Variants in PGLYRP3 observed in about 807,000 individuals in gnomAD.
The protein encoded by PGLYRP3 is peptidoglycan recognition protein 3.
PGLYRP3 carries 39 observed loss-of-function variants against 36.0 expected under a neutral mutation model. The observed-to-expected ratio is 1.08, with a 90% CI of 0.84 to 1.41. The LOEUF is 1.41. PGLYRP3 is among the 40% of genes most tolerant of loss of function. PGLYRP3 has a pLI of 0.00. For synonymous variants in PGLYRP3, 204 were observed against 172.8 expected (o/e 1.18, Z -1.42); for missense variants, 407 against 427.9 (o/e 0.95, Z 0.43).
At chr1:153,310,235 T>TA (rs1659861728) in intron 2 of PGLYRP3, among the ~76,000 whole-genome samples, 1 of 152,216 alleles carries the variant, frequency 6.6e-6, no homozygotes, top group African/African-American at 2.4e-5. Context: ...CTATGACTGG[T>TA]ATAATAACGA....
Position 153,297,161 on chromosome 1 carries a change from G to A in PGLYRP3, c.*795C>T, listed in dbSNP as rs901869527. 2.0e-5 allele frequency among the ~76,000 whole-genome samples: 3 copies of A among 152,146 alleles called. No homozygotes were observed. Among genetic ancestry groups the A allele is most frequent in the African/African-American group, 7.2e-5 (3 of 41,424 alleles). On this transcript the variant is annotated 3_prime_UTR_variant, in exon 8 of 8. Coordinates refer to ENST00000683862, the MANE Select transcript of PGLYRP3 (RefSeq NM_052891.3). ...TCCATTTCTTTAACAAACATCTGTA[G>A]AACCTATTAAACTCCAAACACTGCT...
rs1199307831 is a variant in PGLYRP3 at position 153,299,215 on chromosome 1, C to T, written c.745G>A (p.Asp249Asn). 14 of 1,614,022 alleles carry T rather than the reference C, an allele frequency of 8.7e-6. No individual in the cohort carries two copies. The highest frequency in any genetic ancestry group is 1.2e-5 in the Non-Finnish European group (14 of 1,179,950). Residue 249 changes from aspartate (D) to asparagine (N), a missense_variant, in exon 7 of 8, where the codon GAT becomes AAT. Coordinates refer to ENST00000683862, the MANE Select transcript of PGLYRP3 (RefSeq NM_052891.3). ...DIGYHFLVGQ[D>N]GGVYEGVGWH... Reference sequence around the variant, plus strand: ...CCAACCCCTTCATACACGCCACCATCCTGGCCCACCAGGAAGCTTAGGTCA... The same window carrying T: ...CCAACCCCTTCATACACGCCACCATTCTGGCCCACCAGGAAGCTTAGGTCA...
At position 153,310,632 on chromosome 1, in the gene PGLYRP3, T is replaced by G. The variant is rs755230803; in HGVS notation, c.34A>C (p.Ile12Leu). 1.4e-5 allele frequency: 23 copies of G among 1,614,012 alleles called. No individual in the cohort carries two copies. Among genetic ancestry groups the G allele is most frequent in the Non-Finnish European group, 1.9e-5 (22 of 1,180,000 alleles). The change falls in exon 2 of 8, where the codon ATT (isoleucine) becomes CTT (leucine). Residue 12 changes from isoleucine (I) to leucine (L), a missense_variant. Ile to Leu is a conservative substitution (Grantham distance 5). Transcript: ENST00000683862. Reference protein sequence around the residue: ...GTLPWLLAFFILGLQAWDTPT... With the variant: ...GTLPWLLAFFLLGLQAWDTPT... ...TTACCCCAAGCCTGGAGACCCAGAA[T>G]GAAGAAGGCAAGAAGCCATGGCAGC...
At position 153,302,477 on chromosome 1, in the gene PGLYRP3, G is replaced by T. The variant is rs1350678323; in HGVS notation, c.660C>A (p.Cys220Ter). The T allele has an allele frequency of 1.9e-6, 3 of 1,614,068 alleles. No homozygotes were observed. The highest frequency in any genetic ancestry group is 1.7e-5 in the Admixed American group (1 of 60,008). ...ACTGTATGTTTCGGACGACAGTCTGGCAGTCTGTGGATACAGTGCAGCTTG... is the reference window on the plus strand; with the variant it reads ...ACTGTATGTTTCGGACGACAGTCTGTCAGTCTGTGGATACAGTGCAGCTTG... ...AGTSCTVSTD[C>*]QTVVRNIQSF... Residue 220 changes from cysteine to a stop codon, truncating the protein, a stop_gained, in exon 6 of 8, where the codon TGC becomes TGA. Coordinates refer to ENST00000683862, the MANE Select transcript of PGLYRP3 (RefSeq NM_052891.3). LOFTEE classifies it high-confidence loss of function.
rs755678911 is a variant in PGLYRP3, at chr1:153,307,136, A to G, written c.187T>C (p.Cys63Arg). The G allele has an allele frequency of 6.2e-7, 1 of 1,613,160 alleles. No homozygotes were observed. The highest frequency in any genetic ancestry group is 8.5e-7 in the Non-Finnish European group (1 of 1,179,606). ...PGMQCQQQSVCSQMLRGLQSH... is the reference protein window; with the variant it reads ...PGMQCQQQSVRSQMLRGLQSH... The stretch of plus-strand genomic sequence containing the variant: ...TGCAACCCCCGCAGCATCTGGCTGC[A>G]AACGCTCTGCTGCTGGCACTGCATC... The change falls in exon 3 of 8, where the codon TGC (cysteine) becomes CGC (arginine). Residue 63 changes from cysteine (C) to arginine (R), a missense_variant. Coordinates refer to ENST00000683862, the MANE Select transcript of PGLYRP3 (RefSeq NM_052891.3).
chr1:153,308,992 G>A (rs559673051), intron 2 of PGLYRP3, among the ~76,000 whole-genome samples: 1 of 125,846 alleles, frequency 7.9e-6, no homozygotes, highest in East Asian at 2.0e-4. Context: ...GACATGTTGA[G>A]CTAACACACA....
intron 7 of PGLYRP3, 28 bp from the exon 8 acceptor site, chr1:153,298,162 A>G (rs1380070976): frequency 1.2e-6 from 2 of 1,607,088 alleles, no homozygotes; most frequent in South Asian, 2.2e-5. Flanking sequence ...CCCATCAGTC[A>G]TTAGGGGCTC....
intron 6 of PGLYRP3, 54 bp from the exon 7 acceptor site, chr1:153,299,285 T>C: frequency 1.5e-6 from 2 of 1,295,892 alleles, no homozygotes; most frequent in Admixed American, 1.8e-5. Flanking sequence ...AGAATTTAAA[T>C]ACTTCATTCA....
intron 4 of PGLYRP3, 28 bp downstream of exon 4, chr1:153,304,919 C>T: frequency 6.4e-6 from 10 of 1,563,220 alleles, no homozygotes; most frequent in Non-Finnish European, 8.8e-6. Flanking sequence ...AACTCTCCAG[C>T]ACAGGGTCCG....
At chr1:153,310,582 C>T in intron 2 of PGLYRP3, 29 bp downstream of exon 2, 1 of 1,609,016 alleles carries the variant, frequency 6.2e-7, no homozygotes, top group African/African-American at 1.3e-5. Flanking sequence ...TCATCAAAAG[C>T]ACTTCTGATG....
chr1:153,306,070 G>T (rs1250124424), intron 3 of PGLYRP3, among the ~76,000 whole-genome samples: 1 of 152,226 alleles, frequency 6.6e-6, no homozygotes, highest in Non-Finnish European at 1.5e-5. Context: ...GGTGCTGGTG[G>T]CAGGGGCAGC....
chr1:153,299,209 C>T lies in PGLYRP3; in HGVS notation c.751G>A (p.Gly251Ser), dbSNP rs118113194. 1.4e-3 allele frequency: 2,211 copies of T among 1,614,064 alleles called. 41 individuals carry two copies. In the East Asian group the frequency reaches 0.039, roughly 28 times the overall value. Residue 251 changes from glycine to serine, a missense_variant, in exon 7 of 8, where the codon GGC becomes AGC. By Grantham distance (56) the Gly-to-Ser change is moderately conservative. Coordinates refer to ENST00000683862, the MANE Select transcript of PGLYRP3 (RefSeq NM_052891.3). Reference protein sequence around the residue: ...GYHFLVGQDGGVYEGVGWHIQ... With the variant: ...GYHFLVGQDGSVYEGVGWHIQ... The stretch of plus-strand genomic sequence containing the variant: ...TGCCATCCAACCCCTTCATACACGC[C>T]ACCATCCTGGCCCACCAGGAAGCTT...
intron 6 of PGLYRP3, among the ~76,000 whole-genome samples, chr1:153,299,913 T>G (rs2101510014): frequency 6.6e-6 from 1 of 152,332 alleles, no homozygotes; most frequent in East Asian, 1.9e-4. Flanking sequence ...CTAGACCAAC[T>G]GCCACGATCC....
At position 153,310,662 on chromosome 1, in the gene PGLYRP3, C is replaced by T. The variant is rs771713172; in HGVS notation, c.4G>A (p.Gly2Arg). The T allele has an allele frequency of 6.8e-6, 11 of 1,613,890 alleles. No homozygotes were observed. Among genetic ancestry groups the T allele is most frequent in the Non-Finnish European group, 6.8e-6 (8 of 1,179,948 alleles). The stretch of plus-strand genomic sequence containing the variant: ...AAGGCAAGAAGCCATGGCAGCGTCC[C>T]CATGTGGTCCCAGGACTCTGACCGG... Reference protein sequence around the residue: MGTLPWLLAFFI... With the variant: MRTLPWLLAFFI... Residue 2 changes from glycine (G) to arginine (R), a missense_variant, in exon 2 of 8, where the codon GGG becomes AGG. Gly to Arg is a moderately radical substitution (Grantham distance 125, BLOSUM62 -2). Coordinates refer to ENST00000683862, the MANE Select transcript of PGLYRP3 (RefSeq NM_052891.3).
intron 1 of PGLYRP3, among the ~76,000 whole-genome samples, chr1:153,311,115 A>C (rs183495833): frequency 6.6e-6 from 1 of 152,262 alleles, no homozygotes; most frequent in East Asian, 1.9e-4. Flanking sequence ...ATTGAGGCTC[A>C]GATGGAGTGA....
Position 153,297,503 on chromosome 1 carries a change from GAA to G in PGLYRP3, c.*451_*452del. 1.9e-5 allele frequency among the ~76,000 whole-genome samples: 1 copy of G among 53,552 alleles called. No individual in the cohort carries two copies. 35.1% of individuals were successfully genotyped at this position (53,552 alleles called of 152,430 possible). On this transcript the variant is annotated 3_prime_UTR_variant, in exon 8 of 8. Transcript: ENST00000683862. The stretch of plus-strand genomic sequence containing the variant: ...GAGAAAGCAAGAAAGAAGGTGAAAG[GAA>G]GGAAGGAAGGAAGGAAGGAAGGAAG...
intron 3 of PGLYRP3, 70 bp from the exon 4 acceptor site, chr1:153,305,135 G>A (rs1571104686): frequency 1.5e-6 from 2 of 1,294,976 alleles, no homozygotes; most frequent in East Asian, 4.7e-5. Flanking sequence ...ATCCTCAAAA[G>A]GAAAAGGGGT....
intron 1 of PGLYRP3, among the ~76,000 whole-genome samples, chr1:153,311,723 C>T (rs1201215453): frequency 6.6e-6 from 1 of 152,196 alleles, no homozygotes; most frequent in Non-Finnish European, 1.5e-5. Context: ...GAGTTTGAAA[C>T]CAAATGGGAT....
At position 153,312,787 on chromosome 1, in the gene PGLYRP3, C is replaced by T. The variant is rs886087054; in HGVS notation, c.-186G>A. ...GGTGCCTCCTCAGGCCTTCACTCCC[C>T]CTGGCCCTAGAGGGCACTCCCTCCC... On this transcript the variant is annotated 5_prime_UTR_variant, in exon 1 of 8. Coordinates refer to ENST00000683862, the MANE Select transcript of PGLYRP3 (RefSeq NM_052891.3). 6.6e-6 allele frequency among the ~76,000 whole-genome samples: 1 copy of T among 152,220 alleles called. No homozygotes were observed.
Sources: allele counts gnomAD v4.1 joint callset (sites outside exome capture counted in the v4.1 genomes callset), GRCh38; gene constraint gnomAD v4.1.1; transcripts MANE v1.5; gene names NCBI Gene and HGNC (gene_info 2026-07-23, HGNC 2026-07-21).